SIPA1L1: variants seen among roughly 807,000 people sequenced by gnomAD.
SIPA1L1 encodes signal induced proliferation associated 1 like 1.
Under a neutral mutation model 162.7 loss-of-function variants are expected in SIPA1L1, and 26 were observed. That is an observed-to-expected ratio of 0.16 (90% CI 0.12 to 0.22). The LOEUF (loss-of-function observed/expected upper bound fraction) is 0.22, where lower values mean the gene tolerates loss of function less well. SIPA1L1 is among the 10% of genes least tolerant of loss of function. SIPA1L1 has a pLI of 1.00. For missense variants in SIPA1L1, 1,874 were observed against 2,241.0 expected (o/e 0.84, Z 3.31); for synonymous variants, 829 against 837.4 (o/e 0.99, Z 0.17).
At chr14:71,592,065 A>G (rs2035473184) in intron 5 of SIPA1L1, among the ~76,000 whole-genome samples, 1 of 152,198 alleles carries the variant, frequency 6.6e-6, no homozygotes, top group Non-Finnish European at 1.5e-5. Context: ...AACAGAAAGT[A>G]TGTATGGCAC....
intron 19 of SIPA1L1, among the ~76,000 whole-genome samples, chr14:71,729,180 C>G (rs1033508565): frequency 6.6e-6 from 1 of 152,068 alleles, no homozygotes; most frequent in African/African-American, 2.4e-5. Flanking sequence ...GGATTACAGG[C>G]GTGCACCACC....
chr14:71,440,840 AT>A (rs1403540141), intron 2 of SIPA1L1, among the ~76,000 whole-genome samples: 1 of 151,982 alleles, frequency 6.6e-6, no homozygotes, highest in Non-Finnish European at 1.5e-5. Flanking sequence ...TAATCAAAGA[AT>A]TTTTACCCTT....
At chr14:71,441,357 A>T (rs541314500) in intron 2 of SIPA1L1, among the ~76,000 whole-genome samples, 1 of 152,210 alleles carries the variant, frequency 6.6e-6, no homozygotes, top group East Asian at 1.9e-4. Context: ...GCTGGCTTCC[A>T]TAGTCCCAGA....
At chr14:71,572,884 T>G (rs534396299) in intron 4 of SIPA1L1, among the ~76,000 whole-genome samples, 2 of 152,354 alleles carry the variant, frequency 1.3e-5, no homozygotes, top group African/African-American at 4.8e-5. Flanking sequence ...TATAGCTATG[T>G]GATATAACTA....
At chr14:71,572,900 C>T (rs2032344561) in intron 4 of SIPA1L1, among the ~76,000 whole-genome samples, 3 of 152,188 alleles carry the variant, frequency 2.0e-5, no homozygotes, top group Admixed American at 1.3e-4. Context: ...AACTAATATA[C>T]ACACATGTGA....
intron 2 of SIPA1L1, among the ~76,000 whole-genome samples, chr14:71,490,090 A>T (rs1451709487): frequency 1.3e-5 from 2 of 152,246 alleles, no homozygotes; most frequent in South Asian, 2.1e-4. Flanking sequence ...TAACTTTTTA[A>T]TAATCAGAGA....
intron 2 of SIPA1L1, among the ~76,000 whole-genome samples, chr14:71,487,521 C>T (rs1329767964): frequency 6.6e-6 from 1 of 152,116 alleles, no homozygotes; most frequent in Non-Finnish European, 1.5e-5. Context: ...AGAGCTATTC[C>T]TGGCATCTGT....
intron 7 of SIPA1L1, among the ~76,000 whole-genome samples, chr14:71,640,650 A>G (rs1183550220): frequency 1.3e-5 from 2 of 152,180 alleles, no homozygotes; most frequent in Non-Finnish European, 2.9e-5. Context: ...TTTGAGACGG[A>G]GTCTCACACT....
chr14:71,335,759 C>A (rs1487231710), intron 2 of SIPA1L1, among the ~76,000 whole-genome samples: 1 of 152,158 alleles, frequency 6.6e-6, no homozygotes, highest in East Asian at 1.9e-4. Flanking sequence ...AATAGGTTTA[C>A]CCATCCGCTT....
At chr14:71,566,300 A>G (rs893325967) in intron 4 of SIPA1L1, among the ~76,000 whole-genome samples, 2 of 152,238 alleles carry the variant, frequency 1.3e-5, no homozygotes, top group East Asian at 3.8e-4. Flanking sequence ...TAGGAGCTGT[A>G]TATGTTACTG....
chr14:71,667,983 T>C (rs2044176948), intron 10 of SIPA1L1, among the ~76,000 whole-genome samples: 3 of 151,928 alleles, frequency 2.0e-5, no homozygotes, highest in South Asian at 4.2e-4. Context: ...GAGAATTGCT[T>C]GAACCCAGGA....
intron 8 of SIPA1L1, 131 bp from the exon 9 acceptor site, chr14:71,658,202 C>T (rs2043223411): frequency 3.3e-6 from 2 of 599,146 alleles, no homozygotes; most frequent in Admixed American, 3.1e-5. Context: ...AGGAAGAACA[C>T]CTGTCTTGTC....
intron 2 of SIPA1L1, among the ~76,000 whole-genome samples, chr14:71,505,650 G>A (rs2143948849): frequency 6.6e-6 from 1 of 151,654 alleles, no homozygotes; most frequent in African/African-American, 2.4e-5. Context: ...TTTTAATCTT[G>A]GTAGGTATAT....
At chr14:71,631,775 TGTTA>T in intron 7 of SIPA1L1, among the ~76,000 whole-genome samples, 1 of 152,354 alleles carries the variant, frequency 6.6e-6, no homozygotes, top group Middle Eastern at 3.4e-3. Flanking sequence ...GTTGGATTTT[TGTTA>T]GTAATTCCCA....
chr14:71,646,389 G>A (rs561673597), intron 7 of SIPA1L1, among the ~76,000 whole-genome samples: 11 of 152,248 alleles, frequency 7.2e-5, no homozygotes, highest in African/African-American at 2.6e-4. Flanking sequence ...TGTTAGTCAG[G>A]ATGCTCTCAA....
At chr14:71,712,677 CAGTT>C (rs940916062) in intron 17 of SIPA1L1, among the ~76,000 whole-genome samples, 4 of 152,316 alleles carry the variant, frequency 2.6e-5, no homozygotes, top group African/African-American at 9.6e-5. Flanking sequence ...AGGACCTCCT[CAGTT>C]AGTCCAAAAT....
At chr14:71,451,632 C>CA (rs762968378) in intron 2 of SIPA1L1, among the ~76,000 whole-genome samples, 6,015 of 53,506 alleles carry the variant, frequency 0.11, 209 homozygotes, top group African/African-American at 0.14. Context: ...GACCTTGTCT[C>CA]AAAAAAAAAA....
At chr14:71,722,126 G>A (rs1012949841) in intron 17 of SIPA1L1, among the ~76,000 whole-genome samples, 8 of 152,204 alleles carry the variant, frequency 5.3e-5, no homozygotes, top group Admixed American at 1.3e-4. Flanking sequence ...TGTGCCAGGG[G>A]TGGGGGAGGG....
chr14:71,558,838 T>C (rs984147152), intron 4 of SIPA1L1, among the ~76,000 whole-genome samples: 1 of 152,090 alleles, frequency 6.6e-6, no homozygotes, highest in African/African-American at 2.4e-5. Context: ...TGCACGCCGC[T>C]ACACTTGGCT....
Sources: allele counts gnomAD v4.1 joint callset (sites outside exome capture counted in the v4.1 genomes callset), GRCh38; gene constraint gnomAD v4.1.1; transcripts MANE v1.5; gene names NCBI Gene and HGNC (gene_info 2026-07-23, HGNC 2026-07-21).